The following XPO7 variants were observed in gnomAD, a reference collection of about 807,000 sequenced individuals.
XPO7 encodes the protein exportin 7, also known as exportin-7.
Under a neutral mutation model 144.3 loss-of-function variants are expected in XPO7, and 21 were observed. The observed-to-expected ratio is 0.15, with a 90% confidence interval of 0.10 to 0.21. The LOEUF is 0.21. Ranked by LOEUF, XPO7 falls within the 10% of genes least tolerant of loss-of-function variation. The pLI, the probability that XPO7 is intolerant of heterozygous loss-of-function variation, is 1.00. For synonymous variants in XPO7, 580 were observed against 499.6 expected (o/e 1.16, Z -2.15); for missense variants, 808 against 1,325.8 (o/e 0.61, Z 6.06).
rs201823375 is a variant in XPO7 at position 21,999,182 on chromosome 8, G to A, written c.2520G>A (p.Lys840=). 4 of 1,614,032 alleles carry A rather than the reference G, an allele frequency of 2.5e-6. No individual in the cohort carries two copies. Among genetic ancestry groups the A allele is most frequent in the Non-Finnish European group, 2.5e-6 (3 of 1,179,888 alleles). The change falls in exon 23 of 28, where the codon AAG becomes AAA. Residue 840 remains lysine (K), a synonymous_variant. Transcript: ENST00000252512. ...KGISICFSML[K]AALSGSYVNF... is the part of the protein sequence containing the mutation. ...TCTCCATCTGCTTCTCCATGCTGAA[G>A]GCTGCTCTCAGTGGGAGTTACGTCA...
At chr8:21,966,578 G>C (rs900765906) in intron 1 of XPO7, among the ~76,000 whole-genome samples, 6 of 152,118 alleles carry the variant, frequency 3.9e-5, no homozygotes, top group African/African-American at 1.4e-4. Flanking sequence ...AGGAGGCTGG[G>C]TATTTGCAAG....
intron 5 of XPO7, among the ~76,000 whole-genome samples, chr8:21,974,031 T>C (rs1194688385): frequency 6.6e-6 from 1 of 152,006 alleles, no homozygotes; most frequent in East Asian, 1.9e-4. Context: ...TGTTTTTGTT[T>C]TGAGTTTTGC....
intron 2 of XPO7, among the ~76,000 whole-genome samples, chr8:21,968,873 T>G (rs1811965437): frequency 6.6e-6 from 1 of 152,242 alleles, no homozygotes; most frequent in African/African-American, 2.4e-5. Flanking sequence ...CATTTGAGAA[T>G]GTGATAAAGC....
At chr8:21,938,002 C>G (rs1157023778) in intron 1 of XPO7, among the ~76,000 whole-genome samples, 1 of 151,862 alleles carries the variant, frequency 6.6e-6, no homozygotes, top group Non-Finnish European at 1.5e-5. Flanking sequence ...TTCAAACTTT[C>G]TGCATATATA....
intron 8 of XPO7, among the ~76,000 whole-genome samples, chr8:21,978,072 A>G (rs1180662379): frequency 7.1e-6 from 1 of 140,820 alleles, no homozygotes; most frequent in Non-Finnish European, 1.5e-5. Flanking sequence ...CAGATGGTCA[A>G]GCTCTTTTGG....
chr8:21,935,304 G>T (rs932027509), intron 1 of XPO7, among the ~76,000 whole-genome samples: 1 of 152,194 alleles, frequency 6.6e-6, no homozygotes, highest in Non-Finnish European at 1.5e-5. Flanking sequence ...GGAACCAAAA[G>T]TCTCAACCAA....
intron 7 of XPO7, 31 bp downstream of exon 7, chr8:21,976,552 T>G: frequency 6.3e-7 from 1 of 1,597,324 alleles, no homozygotes; most frequent in South Asian, 1.1e-5. Flanking sequence ...TCAAAGGCTG[T>G]CTGTCACTCC....
chr8:21,997,892 A>G (rs1021373080), intron 21 of XPO7, among the ~76,000 whole-genome samples: 6 of 152,170 alleles, frequency 3.9e-5, no homozygotes, highest in Non-Finnish European at 8.8e-5. Flanking sequence ...GGTCTTACCA[A>G]CTTGAATCTA....
chr8:21,967,122 C>G (rs1173537170), intron 2 of XPO7, 119 bp downstream of exon 2: 7 of 1,339,160 alleles, frequency 5.2e-6, no homozygotes, highest in Non-Finnish European at 6.9e-6. Flanking sequence ...GTGTCCCTGA[C>G]TTATTTTCAC....
chr8:21,960,183 A>G (rs1188638006), intron 1 of XPO7, among the ~76,000 whole-genome samples: 1 of 152,216 alleles, frequency 6.6e-6, no homozygotes, highest in African/African-American at 2.4e-5. Context: ...AGAGCTTCTC[A>G]TTTTTCACAG....
chr8:21,977,505 G>A lies in XPO7; in HGVS notation c.764-265G>A, dbSNP rs970134605. On this transcript the variant is annotated intron_variant, in intron 7 of 27. Coordinates refer to ENST00000252512, the MANE Select transcript of XPO7 (RefSeq NM_015024.5). The stretch of plus-strand genomic sequence containing the variant: ...GAGGCAGGAGAATCCTTTAAACCGG[G>A]ACCTGGGAGGCAAAGGTTGCAGTGA... 4.4e-4 allele frequency among the ~76,000 whole-genome samples: 67 copies of A among 152,144 alleles called. 1 individual carries two copies. Among genetic ancestry groups the A allele is most frequent in the Middle Eastern group, 6.8e-3 (2 of 294 alleles).
At position 21,974,620 on chromosome 8, in the gene XPO7, T is replaced by C. The variant is rs1389603868; in HGVS notation, c.493-50T>C. The stretch of plus-strand genomic sequence containing the variant: ...CTTATAGGAAGTCTACATGAAAAAT[T>C]CTTTTTTTGCAATTAATTCTTTGCA... On this transcript the variant is annotated intron_variant, in intron 5 of 27. Transcript: ENST00000252512. The C allele has an allele frequency of 3.7e-6, 5 of 1,356,118 alleles. No individual in the cohort carries two copies. The Admixed American group carries it at 1.3e-4, about 35-fold the overall frequency. 84.0% of individuals were successfully genotyped at this position (1,356,118 alleles called of 1,614,324 possible).
intron 24 of XPO7, among the ~76,000 whole-genome samples, chr8:22,000,537 C>G (rs189915952): frequency 4.0e-5 from 6 of 150,990 alleles, no homozygotes; most frequent in Non-Finnish European, 8.8e-5. Flanking sequence ...ACTGCAACCT[C>G]TGCCTCCCGG....
chr8:21,921,168 T>G (rs1447558258), intron 1 of XPO7, among the ~76,000 whole-genome samples: 2 of 152,202 alleles, frequency 1.3e-5, no homozygotes, highest in African/African-American at 2.4e-5. Context: ...AATAATAGTA[T>G]AGCACCTTGC....
rs1209366880 is a variant in XPO7, at chr8:21,974,663, T to G, written c.493-7T>G. 1.2e-5 allele frequency: 19 copies of G among 1,555,458 alleles called. No individual in the cohort carries two copies. The highest frequency in any genetic ancestry group is 1.6e-5 in the Non-Finnish European group (19 of 1,154,370). On this transcript the variant is annotated splice_polypyrimidine_tract_variant and splice_region_variant and intron_variant, in intron 5 of 27. Coordinates refer to ENST00000252512, the MANE Select transcript of XPO7 (RefSeq NM_015024.5). ...TCTTTGCATTGGTTTCTTCTTTTTC[T>G]GCACAGGCAGACACCACCCATCCTT...
At chr8:21,982,884 C>A in intron 11 of XPO7, 72 bp downstream of exon 11, 1 of 1,502,360 alleles carries the variant, frequency 6.7e-7, no homozygotes, top group South Asian at 1.4e-5. Context: ...TCAGACACCC[C>A]ATTGGCAAAG....
chr8:21,927,286 G>C lies in XPO7; in HGVS notation c.18+7498G>C, dbSNP rs140043225. On this transcript the variant is annotated intron_variant, in intron 1 of 27. Transcript: ENST00000252512. ...ATAAAATAAGGACATTATCCCACAG[G>C]TGTTACAAATGAAAATTTGTTGTAA... Among the ~76,000 whole-genome samples, 491 of 152,048 alleles carry C rather than the reference G, an allele frequency of 3.2e-3. 1 individual carries two copies. Among genetic ancestry groups the C allele is most frequent in the Non-Finnish European group, 5.6e-3 (380 of 67,974 alleles).
chr8:21,998,699 C>A, intron 21 of XPO7, 56 bp from the exon 22 acceptor site: 1 of 1,502,364 alleles, frequency 6.7e-7, no homozygotes. Flanking sequence ...CCTCAAGTAC[C>A]CCAGTCTTCC....
chr8:21,919,688 TCGGCGG>T lies in XPO7; in HGVS notation c.-72_-67del, dbSNP rs949492976. The T allele has an allele frequency of 4.3e-5, 8 of 185,238 alleles. No individual in the cohort carries two copies. The highest frequency in any genetic ancestry group is 1.7e-4 in the African/African-American group (7 of 41,330). 11.5% of individuals were successfully genotyped at this position (185,238 alleles called of 1,614,324 possible). A position where few individuals can be genotyped will look rare whatever the true frequency, so the allele number is the denominator to read the frequency against. ...GCGCGCAGGCGCAGCGGCGACGGCG[TCGGCGG>T]CGGCGGCGGCAGCGGCTCCGGCCGA... On this transcript the variant is annotated 5_prime_UTR_variant, in exon 1 of 28. Coordinates refer to ENST00000252512, the MANE Select transcript of XPO7 (RefSeq NM_015024.5).
Sources: allele counts gnomAD v4.1 joint callset (sites outside exome capture counted in the v4.1 genomes callset), GRCh38; gene constraint gnomAD v4.1.1; transcripts MANE v1.5; gene names NCBI Gene and HGNC (gene_info 2026-07-23, HGNC 2026-07-21).